Variants in DMBT1 observed in about 807,000 individuals in gnomAD.
DMBT1 encodes deleted in malignant brain tumors 1.
In DMBT1, 198 loss-of-function variants were observed where a neutral mutation model predicts 252.9. That is an observed-to-expected ratio of 0.78 (90% CI 0.70 to 0.88). DMBT1 has a LOEUF of 0.88. Ranked by LOEUF, DMBT1 falls within the 40% of genes least tolerant of loss-of-function variation. DMBT1 has a pLI of 0.00. For synonymous variants in DMBT1, 990 were observed against 942.7 expected, an observed-to-expected ratio of 1.05 and a Z score of -0.92; for missense variants, 2,432 against 2,404.7, an observed-to-expected ratio of 1.01 and a Z score of -0.24.
intron 46 of DMBT1, among the ~76,000 whole-genome samples, chr10:122,626,659 A>G (rs1428162573): frequency 6.6e-6 from 1 of 152,196 alleles, no homozygotes; most frequent in African/African-American, 2.4e-5. Context: ...ACCATCAAGA[A>G]TGGTTGTAAA....
intron 3 of DMBT1, 40 bp downstream of exon 3, chr10:122,570,249 C>G (rs1416191136): frequency 1.4e-6 from 2 of 1,416,382 alleles, no homozygotes; most frequent in South Asian, 2.3e-5. Context: ...GCTCATTACC[C>G]CACTGCACCC....
intron 15 of DMBT1, 93 bp from the exon 16 acceptor site, chr10:122,585,967 T>C: frequency 6.4e-7 from 1 of 1,563,272 alleles, no homozygotes; most frequent in Non-Finnish European, 8.7e-7. Context: ...CCAGGTGACT[T>C]TAGCCATTAG....
chr10:122,642,406 C>T (rs367727609), intron 55 of DMBT1, among the ~76,000 whole-genome samples: 1 of 152,158 alleles, frequency 6.6e-6, no homozygotes, highest in East Asian at 1.9e-4. Flanking sequence ...CTTCAAAATC[C>T]CACCAATCTA....
intron 55 of DMBT1, 126 bp downstream of exon 55, chr10:122,640,575 A>G (rs1328010408): frequency 3.8e-6 from 4 of 1,047,514 alleles, no homozygotes; most frequent in Non-Finnish European, 5.4e-6. Context: ...GCTTAACTGG[A>G]TCCCTTTCTA....
chr10:122,575,586 A>G (rs1200180569), intron 6 of DMBT1, among the ~76,000 whole-genome samples: 2 of 152,200 alleles, frequency 1.3e-5, no homozygotes, highest in Non-Finnish European at 2.9e-5. Context: ...GACTACCACT[A>G]CAAATACTGA....
At position 122,637,259 on chromosome 10, in the gene DMBT1, C is replaced by G. The variant is rs1566031587; in HGVS notation, c.6889C>G (p.Pro2297Ala). ...CTACGAGTGTCGGCCCCAGATAACG[C>G]CGAACCTGGTGATATTCACAATTCC... Reference protein sequence around the residue: ...GYYECRPQITPNLVIFTIPYS... With the variant: ...GYYECRPQITANLVIFTIPYS... Residue 2297 changes from proline (P) to alanine (A), a missense_variant, in exon 54 of 56, where the codon CCG becomes GCG. Transcript: ENST00000338354. 6.2e-7 allele frequency: 1 copy of G among 1,613,930 alleles called. No homozygotes were observed. The highest frequency in any genetic ancestry group is 8.5e-7 in the Non-Finnish European group (1 of 1,179,860).
chr10:122,625,229 T>C (rs2133652274), intron 44 of DMBT1, 48 bp from the exon 45 acceptor site: 3 of 1,592,638 alleles, frequency 1.9e-6, no homozygotes, highest in South Asian at 2.3e-5. Flanking sequence ...CTCTCGCTCA[T>C]CATCCTGGGC....
chr10:122,587,472 A>G (rs891218150), intron 16 of DMBT1, among the ~76,000 whole-genome samples: 2 of 148,696 alleles, frequency 1.3e-5, no homozygotes, highest in African/African-American at 4.9e-5. Context: ...CATGAGGCTT[A>G]CTGAGCAAAG....
intron 26 of DMBT1, 132 bp downstream of exon 26, chr10:122,599,229 T>C: frequency 1.0e-5 from 15 of 1,500,490 alleles, no homozygotes; most frequent in Non-Finnish European, 1.3e-5. Context: ...TTGTTAGCTC[T>C]CTGCTAAGAA....
chr10:122,586,163 C>T lies in DMBT1; in HGVS notation c.1563C>T (p.Asp521=), dbSNP rs749773767. 1.1e-5 allele frequency: 18 copies of T among 1,589,288 alleles called. 2 individuals carry two copies. Among genetic ancestry groups the T allele is most frequent in the East Asian group, 2.3e-5 (1 of 42,768 alleles). ...YRGSWGTVCD[D]SWDTNDANVV... ...GCTCCTGGGGCACCGTGTGTGATGA[C>T]AGCTGGGACACCAATGATGCCAATG... Residue 521 remains aspartate (D), a synonymous_variant, in exon 16 of 56, where the codon GAC becomes GAT. Coordinates refer to ENST00000338354, the MANE Select transcript of DMBT1 (RefSeq NM_001377530.1).
rs1844252867 is a variant in DMBT1, at chr10:122,640,085, G to C, written c.6988G>C (p.Val2330Leu). The C allele has an allele frequency of 6.2e-7, 1 of 1,613,892 alleles. No homozygotes were observed. The highest frequency in any genetic ancestry group is 1.3e-5 in the African/African-American group (1 of 74,918). ...IDYSNFLTAA[V>L]SGGIIKRRTD... ...CTATTCCAACTTCCTCACAGCAGCT[G>C]TCTCAGGTGGCATCATCAAGAGGAG... The change falls in exon 55 of 56, where the codon GTC (valine) becomes CTC (leucine). Residue 2330 changes from valine to leucine, a missense_variant. Physicochemically the swap from Val to Leu is conservative, Grantham distance 32. Around this residue, in one of 3 missense-constraint regions of DMBT1, gnomAD observed 1,162 missense variants for 1,169.0 expected, o/e 0.99. Coordinates refer to ENST00000338354, the MANE Select transcript of DMBT1 (RefSeq NM_001377530.1).
At chr10:122,590,408 G>T (rs1451642676) in intron 17 of DMBT1, among the ~76,000 whole-genome samples, 1 of 148,770 alleles carries the variant, frequency 6.7e-6, no homozygotes, top group African/African-American at 2.4e-5. Context: ...GTGTAAGGGA[G>T]AGGGTTGGTT....
intron 8 of DMBT1, 120 bp downstream of exon 8, chr10:122,577,960 C>G: frequency 8.9e-7 from 1 of 1,123,946 alleles, no homozygotes; most frequent in Non-Finnish European, 1.3e-6. Flanking sequence ...ATTTCACCCC[C>G]AACTCTGTAA....
intron 6 of DMBT1, among the ~76,000 whole-genome samples, chr10:122,574,298 G>C (rs955607818): frequency 4.6e-5 from 7 of 152,304 alleles, no homozygotes; most frequent in Non-Finnish European, 7.4e-5. Flanking sequence ...AGAAATCTGG[G>C]AGACATAGTC....
At chr10:122,572,186 T>G in intron 4 of DMBT1, 128 bp from the exon 5 acceptor site, 1 of 1,325,024 alleles carries the variant, frequency 7.5e-7, no homozygotes, top group Non-Finnish European at 1.1e-6. Flanking sequence ...CATGGTTGGC[T>G]TTTAGCAATG....
chr10:122,563,971 G>A (rs144236656), intron 1 of DMBT1, among the ~76,000 whole-genome samples: 1,744 of 152,334 alleles, frequency 0.011, 12 homozygotes, highest in Middle Eastern at 0.037. Flanking sequence ...TCTTGAGTGT[G>A]GGAGCAGGGA....
intron 49 of DMBT1, 144 bp downstream of exon 49, chr10:122,631,425 CA>C: frequency 9.6e-7 from 1 of 1,046,300 alleles, no homozygotes; most frequent in South Asian, 1.6e-5. Flanking sequence ...GAAGAGCATG[CA>C]GGGGGCTGCT....
In DMBT1 at chr10:122,625,917, TC is replaced by T. The variant is rs1177684361; in HGVS notation, c.5636-15del. Reference sequence around the variant, plus strand: ...TTATCTACTAAAATCCTAAACAGCTTCATTTTTTTTTCTAGATTGGTGGCAT... The same window carrying T: ...TTATCTACTAAAATCCTAAACAGCTTATTTTTTTTTCTAGATTGGTGGCAT... On this transcript the variant is annotated splice_polypyrimidine_tract_variant and intron_variant, in intron 45 of 55. Coordinates refer to ENST00000338354, the MANE Select transcript of DMBT1 (RefSeq NM_001377530.1). 3 of 1,605,820 alleles carry T rather than the reference TC, an allele frequency of 1.9e-6. No individual in the cohort carries two copies. The East Asian group carries it at 6.7e-5, about 36-fold the overall frequency.
intron 2 of DMBT1, 91 bp from the exon 3 acceptor site, chr10:122,570,071 C>CCT: frequency 8.2e-7 from 1 of 1,216,982 alleles, no homozygotes; most frequent in Non-Finnish European, 1.2e-6. Context: ...GCCCTGGCTT[C>CCT]CAGTTCTTGC....
Sources: allele counts gnomAD v4.1 joint callset (sites outside exome capture counted in the v4.1 genomes callset), GRCh38; gene constraint gnomAD v4.1.1; regional missense constraint gnomAD v4.1.1; transcripts MANE v1.5; gene names NCBI Gene and HGNC (gene_info 2026-07-23, HGNC 2026-07-21).